The following IFT52 variants were observed in gnomAD, a reference collection of about 807,000 sequenced individuals.
IFT52 encodes the protein intraflagellar transport 52.
In IFT52, 44 loss-of-function variants were observed where a neutral mutation model predicts 54.4. That is an observed-to-expected ratio of 0.81 (90% confidence interval 0.63 to 1.04). IFT52 has a LOEUF of 1.04. IFT52 is among the 50% of genes least tolerant of loss of function. The pLI, the probability that IFT52 is intolerant of heterozygous loss-of-function variation, is 0.00. For missense variants in IFT52, 452 were observed against 523.6 expected (o/e 0.86, Z 1.33); for synonymous variants, 181 against 185.3 (o/e 0.98, Z 0.19).
chr20:43,591,055 G>C lies in IFT52; in HGVS notation c.-7+1G>C, dbSNP rs1378185363. On this transcript the variant is annotated splice_donor_variant, in intron 1 of 13. Coordinates refer to ENST00000373030, the MANE Select transcript of IFT52 (RefSeq NM_016004.5). LOFTEE classifies it low-confidence loss of function (5UTR_SPLICE). ...GTGAGCGGTGGTCGCTGGGCCTCAG[G>C]TAAAGGGCGCCAACAGTGGTGGGCC... 21 of 152,340 alleles carry C rather than the reference G, an allele frequency of 1.4e-4. No individual in the cohort carries two copies. The highest frequency in any genetic ancestry group is 4.4e-5 in the Non-Finnish European group (3 of 68,160). 9.4% of individuals were successfully genotyped at this position (152,340 alleles called of 1,614,324 possible).
intron 11 of IFT52, 46 bp downstream of exon 11, chr20:43,636,059 G>C: frequency 1.3e-6 from 2 of 1,572,492 alleles, no homozygotes; most frequent in Non-Finnish European, 1.7e-6. Flanking sequence ...CCCCACTGTT[G>C]CCCTTATCTT....
At chr20:43,646,306 G>T (rs1986196065) in intron 13 of IFT52, among the ~76,000 whole-genome samples, 1 of 152,150 alleles carries the variant, frequency 6.6e-6, no homozygotes, top group African/African-American at 2.4e-5. Flanking sequence ...TCAAGCTTAG[G>T]ATTTCAGATG....
At chr20:43,638,947 C>G (rs1985727138) in intron 12 of IFT52, among the ~76,000 whole-genome samples, 1 of 152,156 alleles carries the variant, frequency 6.6e-6, no homozygotes, top group African/African-American at 2.4e-5. Context: ...TTTACTGCAT[C>G]TCTCTTCTGT....
At chr20:43,632,927 A>G (rs1057014579) in intron 10 of IFT52, among the ~76,000 whole-genome samples, 5 of 152,270 alleles carry the variant, frequency 3.3e-5, no homozygotes, top group African/African-American at 1.2e-4. Context: ...TTCAGTTCTC[A>G]ATGAGTAATA....
intron 6 of IFT52, among the ~76,000 whole-genome samples, chr20:43,608,809 GA>G (rs1983185924): frequency 6.6e-6 from 1 of 152,170 alleles, no homozygotes; most frequent in African/African-American, 2.4e-5. Flanking sequence ...TCAGGAGACT[GA>G]GGCTGGAGAA....
chr20:43,604,002 G>A (rs1018870108), intron 4 of IFT52, 113 bp downstream of exon 4: 1 of 948,712 alleles, frequency 1.1e-6, no homozygotes, highest in African/African-American at 1.7e-5. Flanking sequence ...GTGTGTGCGT[G>A]TTTTAATGTT....
chr20:43,592,035 CA>C (rs2145575792), intron 1 of IFT52, among the ~76,000 whole-genome samples: 1 of 152,208 alleles, frequency 6.6e-6, no homozygotes, highest in East Asian at 1.9e-4. Context: ...GAATTGGGGT[CA>C]GGCAGCTTTT....
chr20:43,642,367 T>A, intron 12 of IFT52, 112 bp from the exon 13 acceptor site: 1 of 932,604 alleles, frequency 1.1e-6, no homozygotes, highest in Non-Finnish European at 1.6e-6. Context: ...AAGAGGTGAG[T>A]GATCTTAGGA....
intron 12 of IFT52, among the ~76,000 whole-genome samples, chr20:43,638,644 GA>G (rs760203161): frequency 2.0e-5 from 3 of 152,172 alleles, no homozygotes; most frequent in Admixed American, 2.0e-4. Context: ...TTTAAAAATA[GA>G]AAAAAACTAT....
At chr20:43,622,334 C>G (rs1417758193) in intron 9 of IFT52, among the ~76,000 whole-genome samples, 1 of 152,072 alleles carries the variant, frequency 6.6e-6, no homozygotes, top group Non-Finnish European at 1.5e-5. Context: ...CGCGGTGGCT[C>G]ACGCCTGTAA....
intron 12 of IFT52, chr20:43,642,101 T>G: frequency 6.2e-6 from 1 of 161,278 alleles, no homozygotes; most frequent in East Asian, 1.8e-4. Flanking sequence ...GCCAATACAA[T>G]ATTGTTTTAG....
At chr20:43,624,719 G>A (rs1056447391) in intron 10 of IFT52, among the ~76,000 whole-genome samples, 1 of 152,136 alleles carries the variant, frequency 6.6e-6, no homozygotes, top group Non-Finnish European at 1.5e-5. Context: ...GCAGCATCCT[G>A]AAGGCAAAGG....
chr20:43,632,460 C>T (rs1044793654), intron 10 of IFT52, among the ~76,000 whole-genome samples: 6 of 152,010 alleles, frequency 3.9e-5, no homozygotes, highest in Admixed American at 1.3e-4. Context: ...GGGGTTTCAC[C>T]ATGTTGGCCA....
chr20:43,625,755 T>C (rs768842163), intron 10 of IFT52, among the ~76,000 whole-genome samples: 4 of 152,068 alleles, frequency 2.6e-5, no homozygotes, highest in Non-Finnish European at 5.9e-5. Context: ...CCTGGCCTAC[T>C]TTTTTGCCTC....
At chr20:43,623,361 T>G (rs1305937830) in intron 9 of IFT52, among the ~76,000 whole-genome samples, 2 of 152,074 alleles carry the variant, frequency 1.3e-5, no homozygotes, top group African/African-American at 2.4e-5. Context: ...AATTTTTTTG[T>G]ATTTCTGTAG....
At chr20:43,637,412 G>A (rs1268134659) in intron 12 of IFT52, among the ~76,000 whole-genome samples, 159 bp downstream of exon 12, 1 of 151,060 alleles carries the variant, frequency 6.6e-6, no homozygotes, top group Admixed American at 6.6e-5. Flanking sequence ...ACAGGCATGC[G>A]CCACCACGCC....
In IFT52 at chr20:43,620,884, GGA is replaced by G. The variant is rs775338091; in HGVS notation, c.730_731del (p.Asp244HisfsTer7). 2 of 1,612,202 alleles carry G rather than the reference GGA, an allele frequency of 1.2e-6. No individual in the cohort carries two copies. The highest frequency in any genetic ancestry group is 3.3e-5 in the Admixed American group (2 of 59,904). The stretch of plus-strand genomic sequence containing the variant: ...TGTTGTTTTCCAGTGGCTCACGACA[GGA>G]GACATCCACCTAAACCAGATTGATG... The part of the protein sequence containing the change: ...MDVVFQWLTT[G>X]DIHLNQIDAE... On this transcript the variant is annotated frameshift_variant, in exon 9 of 14. Transcript: ENST00000373030. LOFTEE classifies it high-confidence loss of function.
intron 13 of IFT52, 25 bp downstream of exon 13, chr20:43,642,649 T>C (rs760202743): frequency 6.2e-7 from 1 of 1,610,634 alleles, no homozygotes; most frequent in African/African-American, 1.3e-5. Context: ...AGGCACAGTG[T>C]AGTGGGAGCC....
At chr20:43,604,132 T>G in intron 4 of IFT52, 51 bp from the exon 5 acceptor site, 1 of 1,439,340 alleles carries the variant, frequency 6.9e-7, no homozygotes, top group Non-Finnish European at 9.8e-7. Flanking sequence ...GTCTATAATA[T>G]CGAATTTATT....
Sources: gnomAD v4.1 joint callset for allele counts (sites outside exome capture counted in the v4.1 genomes callset) on GRCh38, gnomAD v4.1.1 for gene constraint, MANE v1.5 for transcripts, NCBI Gene and HGNC (gene_info 2026-07-23, HGNC 2026-07-21) for gene names.